The following BRD8 variants were observed in gnomAD, a reference collection of about 807,000 sequenced individuals.
BRD8 encodes bromodomain-containing protein 8.
In BRD8, 67 loss-of-function variants were observed where a neutral mutation model predicts 143.1. The ratio of observed to expected loss-of-function variants is 0.47; its 90% confidence interval spans 0.38 to 0.57. The LOEUF is 0.57. Ranked by LOEUF, BRD8 falls within the 20% of genes least tolerant of loss-of-function variation. BRD8 has a pLI of 0.00. For synonymous variants in BRD8, 505 were observed against 517.1 expected, an observed-to-expected ratio of 0.98 and a Z score of 0.32; for missense variants, 1,103 against 1,503.0, an observed-to-expected ratio of 0.73 and a Z score of 4.40.
intron 20 of BRD8, among the ~76,000 whole-genome samples, chr5:138,153,679 T>C (rs199881630): frequency 0.23 from 31,297 of 135,200 alleles, 3,051 homozygotes; most frequent in East Asian, 0.51. Flanking sequence ...TTTTCTTTTT[T>C]TTTTTTTTTT....
At position 138,160,948 on chromosome 5, in the gene BRD8, G is replaced by A. The variant is rs772348148; in HGVS notation, c.2370C>T (p.Asp790=). The A allele has an allele frequency of 6.2e-7, 1 of 1,613,336 alleles. No homozygotes were observed. Among genetic ancestry groups the A allele is most frequent in the African/African-American group, 1.3e-5 (1 of 74,956 alleles). The stretch of plus-strand genomic sequence containing the variant: ...CCACTGCCATGTGATAGACATCATG[G>A]TCTGAGCTATTGTACATTACAGCAT... ...FQNAVMYNSS[D]HDVYHMAVEM... Residue 790 remains aspartate (D), a synonymous_variant, in exon 18 of 27, where the codon GAC becomes GAT. Coordinates refer to ENST00000254900, the MANE Select transcript of BRD8 (RefSeq NM_139199.2).
In BRD8 at chr5:138,150,775, T is replaced by C. The variant is rs749890951; in HGVS notation, c.3090A>G (p.Thr1030=). The C allele has an allele frequency of 1.2e-6, 2 of 1,613,980 alleles. No homozygotes were observed. The highest frequency in any genetic ancestry group is 1.7e-5 in the Admixed American group (1 of 59,964). Residue 1030 remains threonine, a synonymous_variant, in exon 22 of 27, where the codon ACA becomes ACG. Coordinates refer to ENST00000254900, the MANE Select transcript of BRD8 (RefSeq NM_139199.2). ...EVASAPSVIC[T]VQGLLTESEE... is the part of the protein sequence containing the mutation. ...CACTCTCTGTGAGTAGTCCCTGAAC[T>C]GTACAAATAACTGAGGGAGCTGAAG...
intron 1 of BRD8, 149 bp downstream of exon 1, chr5:138,178,447 G>T: frequency 1.3e-6 from 1 of 771,128 alleles, no homozygotes; most frequent in Non-Finnish European, 2.3e-6. Context: ...CCAAACGTTG[G>T]TCTTCACGAT....
At chr5:138,167,231 A>C (rs1426892750) in intron 9 of BRD8, among the ~76,000 whole-genome samples, 1 of 151,786 alleles carries the variant, frequency 6.6e-6, no homozygotes, top group Non-Finnish European at 1.5e-5. Context: ...TTGTGCCACC[A>C]CACTCCAGCT....
chr5:138,170,775 G>T (rs1028822685), intron 6 of BRD8, 57 bp downstream of exon 6: 1 of 1,453,140 alleles, frequency 6.9e-7, no homozygotes, highest in Non-Finnish European at 9.7e-7. Flanking sequence ...CAGATTACTT[G>T]AGGGGAAAAG....
intron 25 of BRD8, among the ~76,000 whole-genome samples, chr5:138,141,683 C>A (rs989150730): frequency 1.3e-5 from 2 of 152,206 alleles, no homozygotes; most frequent in Non-Finnish European, 2.9e-5. Flanking sequence ...TCATCTACTT[C>A]TCTTACTGCA....
chr5:138,167,254 C>A (rs1000117998), intron 9 of BRD8, among the ~76,000 whole-genome samples: 3 of 151,774 alleles, frequency 2.0e-5, no homozygotes, highest in Non-Finnish European at 4.4e-5. Context: ...GGCGACAGAG[C>A]AAGGCTCTGT....
intron 1 of BRD8, among the ~76,000 whole-genome samples, chr5:138,178,259 C>G (rs759551305): frequency 1.3e-5 from 2 of 152,162 alleles, no homozygotes; most frequent in Non-Finnish European, 2.9e-5. Flanking sequence ...AAATGAATGG[C>G]TCTTTGAGGT....
chr5:138,139,938 C>T lies in BRD8; in HGVS notation c.*136G>A. The T allele has an allele frequency of 1.5e-6, 1 of 657,396 alleles. No homozygotes were observed. The highest frequency in any genetic ancestry group is 2.2e-5 in the South Asian group (1 of 46,292). The allele number at this position is 657,396 out of a possible 1,614,324, so 40.7% of individuals were successfully genotyped here. ...ATTATGTCCACATGCATCTTTGACT[C>T]GTTGGTTGTGAGTTAAGGTATTATT... On this transcript the variant is annotated 3_prime_UTR_variant, in exon 27 of 27. Transcript: ENST00000254900.
Position 138,164,975 on chromosome 5 carries a change from C to A in BRD8, c.1470G>T (p.Thr490=), listed in dbSNP as rs766205611. The A allele has an allele frequency of 8.1e-6, 13 of 1,614,152 alleles. No individual in the cohort carries two copies. Among genetic ancestry groups the A allele is most frequent in the Non-Finnish European group, 1.1e-5 (13 of 1,180,008 alleles). The change falls in exon 12 of 27, where the codon ACG becomes ACT. Residue 490 remains threonine, a synonymous_variant. Coordinates refer to ENST00000254900, the MANE Select transcript of BRD8 (RefSeq NM_139199.2). The stretch of plus-strand genomic sequence containing the variant: ...CCAGTTCATGTATTCCCTTGTTTTC[C>A]GTTTCCTCAAAGTCCAGTCTCTCTT... The part of the protein sequence containing the change: ...VKQERLDFEE[T]ENKGIHELVD...
chr5:138,151,023 T>C lies in BRD8; in HGVS notation c.2857-15A>G. The C allele has an allele frequency of 6.2e-7, 1 of 1,605,720 alleles. No homozygotes were observed. The highest frequency in any genetic ancestry group is 8.5e-7 in the Non-Finnish European group (1 of 1,178,782). On this transcript the variant is annotated splice_polypyrimidine_tract_variant and intron_variant, in intron 21 of 26. Coordinates refer to ENST00000254900, the MANE Select transcript of BRD8 (RefSeq NM_139199.2). ...AAATAAGCTACCTGCAATCAAAGTTTATTATTAGATGCACAGGAACACCAC... is the reference window on the plus strand; with the variant it reads ...AAATAAGCTACCTGCAATCAAAGTTCATTATTAGATGCACAGGAACACCAC...
Position 138,149,630 on chromosome 5 carries a change from C to A in BRD8, c.3278+10G>T. ...AATCTTAACAAACTTGGATGAAAGT[C>A]TACGCTTACAGCTTTGAGGAGGTAG... On this transcript the variant is annotated intron_variant, in intron 23 of 26. Coordinates refer to ENST00000254900, the MANE Select transcript of BRD8 (RefSeq NM_139199.2). 1 of 1,580,704 alleles carries A rather than the reference C, an allele frequency of 6.3e-7. No homozygotes were observed. The highest frequency in any genetic ancestry group is 1.2e-5 in the South Asian group (1 of 84,540).
At chr5:138,151,504 G>T (rs1391450408) in intron 21 of BRD8, among the ~76,000 whole-genome samples, 3 of 152,090 alleles carry the variant, frequency 2.0e-5, no homozygotes, top group Non-Finnish European at 4.4e-5. Flanking sequence ...CTACCTTAAA[G>T]TTACAGCATT....
intron 18 of BRD8, 147 bp downstream of exon 18, chr5:138,160,742 AAG>A: frequency 1.5e-6 from 1 of 661,280 alleles, no homozygotes; most frequent in Non-Finnish European, 2.4e-6. Flanking sequence ...AAGAAAATAA[AAG>A]TAAGAACAAA....
At chr5:138,168,204 A>C (rs2151208787) in intron 8 of BRD8, 126 bp from the exon 9 acceptor site, 1 of 745,388 alleles carries the variant, frequency 1.3e-6, no homozygotes, top group East Asian at 2.5e-5. Flanking sequence ...AGAATAATTT[A>C]AGACCCAAGG....
In BRD8 at chr5:138,171,022, T is replaced by A; in HGVS notation, c.359+16A>T. On this transcript the variant is annotated intron_variant, in intron 5 of 26. Transcript: ENST00000254900. ...TATGTCTTTCTCAATTTTTTGGCAT[T>A]CTCTCTGATAAGTACCTATATCTCT... The A allele has an allele frequency of 6.2e-7, 1 of 1,611,978 alleles. No individual in the cohort carries two copies. The highest frequency in any genetic ancestry group is 8.5e-7 in the Non-Finnish European group (1 of 1,179,170).
intron 14 of BRD8, 27 bp downstream of exon 14, chr5:138,164,060 A>G: frequency 1.2e-5 from 19 of 1,607,324 alleles, no homozygotes; most frequent in Non-Finnish European, 1.6e-5. Context: ...TCACATGGCA[A>G]GAGGAATAAA....
At position 138,152,725 on chromosome 5, in the gene BRD8, T is replaced by C; in HGVS notation, c.2613A>G (p.Gln871=). The C allele has an allele frequency of 6.2e-7, 1 of 1,614,128 alleles. No individual in the cohort carries two copies. The highest frequency in any genetic ancestry group is 8.5e-7 in the Non-Finnish European group (1 of 1,179,972). Reference sequence around the variant, plus strand: ...TCAACTCAGAGTCATTGGGATGATCTTGTTCAGAATCCAGCCAAACCCACT... The same window carrying C: ...TCAACTCAGAGTCATTGGGATGATCCTGTTCAGAATCCAGCCAAACCCACT... ...GHEWVWLDSE[Q]DHPNDSELSN... The change falls in exon 21 of 27, where the codon CAA becomes CAG. Residue 871 remains glutamine, a synonymous_variant. Coordinates refer to ENST00000254900, the MANE Select transcript of BRD8 (RefSeq NM_139199.2).
At chr5:138,162,701 A>G (rs898867728) in intron 15 of BRD8, among the ~76,000 whole-genome samples, 1 of 151,562 alleles carries the variant, frequency 6.6e-6, no homozygotes, top group African/African-American at 2.4e-5. Context: ...TAAAAATTTA[A>G]AAATAAAGAA....
Sources: allele counts gnomAD v4.1 joint callset (sites outside exome capture counted in the v4.1 genomes callset), GRCh38; gene constraint gnomAD v4.1.1; transcripts MANE v1.5; gene names NCBI Gene and HGNC (gene_info 2026-07-23, HGNC 2026-07-21).